ZFAND3: variants seen among roughly 807,000 people sequenced by gnomAD.
The protein encoded by ZFAND3 is zinc finger AN1-type containing 3, also known as AN1-type zinc finger protein 3.
In ZFAND3, 10 loss-of-function variants were observed where a neutral mutation model predicts 29.6. That is an observed-to-expected ratio of 0.34 (90% CI 0.21 to 0.57). The LOEUF (loss-of-function observed/expected upper bound fraction) is 0.57, where lower values mean the gene tolerates loss of function less well. ZFAND3 is among the 20% of genes least tolerant of loss of function. ZFAND3 has a pLI of 0.86. For synonymous variants in ZFAND3, 128 were observed against 112.6 expected, an observed-to-expected ratio of 1.14 and a Z score of -0.87; for missense variants, 230 against 304.5, an observed-to-expected ratio of 0.76 and a Z score of 1.82.
At chr6:37,893,970 T>G (rs1276968887) in intron 1 of ZFAND3, among the ~76,000 whole-genome samples, 1 of 152,110 alleles carries the variant, frequency 6.6e-6, no homozygotes. Context: ...CACATTTGTC[T>G]TAGGCTGGGT....
chr6:37,860,666 T>G (rs938912021), intron 1 of ZFAND3, among the ~76,000 whole-genome samples: 1 of 147,080 alleles, frequency 6.8e-6, no homozygotes, highest in Non-Finnish European at 1.5e-5. Context: ...TTAAGTAGGT[T>G]TAGATTTTAG....
intron 2 of ZFAND3, among the ~76,000 whole-genome samples, chr6:38,033,157 T>C (rs1041436207): frequency 6.6e-6 from 1 of 152,198 alleles, no homozygotes; most frequent in African/African-American, 2.4e-5. Context: ...TCCTGAGAGC[T>C]GTTTGAAATA....
chr6:37,873,315 C>A (rs1438840759), intron 1 of ZFAND3, among the ~76,000 whole-genome samples: 1 of 152,202 alleles, frequency 6.6e-6, no homozygotes, highest in Non-Finnish European at 1.5e-5. Context: ...AATGCAGACA[C>A]AATTAATCAT....
At chr6:38,117,574 A>G (rs1001143062) in intron 5 of ZFAND3, among the ~76,000 whole-genome samples, 13 of 152,176 alleles carry the variant, frequency 8.5e-5, no homozygotes, top group African/African-American at 3.1e-4. Flanking sequence ...TCCTGGTTTT[A>G]AAACCTAATA....
chr6:38,152,380 G>T lies in ZFAND3; in HGVS notation c.675G>T (p.Gly225=). 1.3e-6 allele frequency: 2 copies of T among 1,588,382 alleles called. No individual in the cohort carries two copies. The highest frequency in any genetic ancestry group is 1.7e-6 in the Non-Finnish European group (2 of 1,168,708). ...GCTCCTGCCAGCGCATCGGGGAGGG[G>T]TGCTCCTGAAGGCCAGGCATGGCCA... The part of the protein sequence containing the change: ...VGRSCQRIGE[G]CS Residue 225 remains glycine, a synonymous_variant, in exon 6 of 6, where the codon GGG becomes GGT. Coordinates refer to ENST00000287218, the MANE Select transcript of ZFAND3 (RefSeq NM_021943.3).
chr6:38,004,534 T>TACACACACACAC (rs56068930), intron 2 of ZFAND3, among the ~76,000 whole-genome samples: 18 of 147,346 alleles, frequency 1.2e-4, no homozygotes, highest in African/African-American at 3.3e-4. Context: ...TAAAGCTGTC[T>TACACACACACAC]ACACACACAC....
At chr6:38,120,717 T>C (rs549238445) in intron 5 of ZFAND3, among the ~76,000 whole-genome samples, 1 of 152,342 alleles carries the variant, frequency 6.6e-6, no homozygotes, top group Admixed American at 6.5e-5. Context: ...TAACATATTT[T>C]CAATTGATGG....
chr6:37,859,166 C>T (rs1764435806), intron 1 of ZFAND3, among the ~76,000 whole-genome samples: 1 of 152,118 alleles, frequency 6.6e-6, no homozygotes, highest in African/African-American at 2.4e-5. Context: ...AATAAGACAA[C>T]CTCTCTTTAT....
chr6:38,029,952 C>G (rs1763520634), intron 2 of ZFAND3, among the ~76,000 whole-genome samples: 1 of 150,748 alleles, frequency 6.6e-6, no homozygotes, highest in Non-Finnish European at 1.5e-5. Flanking sequence ...GTATTTAGTG[C>G]TTTTCATTTC....
intron 1 of ZFAND3, among the ~76,000 whole-genome samples, chr6:37,843,309 C>A (rs1764113562): frequency 6.6e-6 from 1 of 151,740 alleles, no homozygotes; most frequent in South Asian, 2.1e-4. Context: ...CACGGTGAAA[C>A]CCCATCTCTA....
At chr6:37,846,079 T>C (rs1300398226) in intron 1 of ZFAND3, among the ~76,000 whole-genome samples, 1 of 152,218 alleles carries the variant, frequency 6.6e-6, no homozygotes, top group African/African-American at 2.4e-5. Flanking sequence ...CCTGATCCCA[T>C]AGGACACTCA....
chr6:38,064,666 CT>C (rs35827782), intron 3 of ZFAND3, among the ~76,000 whole-genome samples: 20,948 of 115,832 alleles, frequency 0.18, 1,487 homozygotes, highest in Middle Eastern at 0.29. Context: ...CTGCTATGGG[CT>C]TTTTTTTTTT....
chr6:38,053,638 G>T (rs1764074119), intron 2 of ZFAND3, among the ~76,000 whole-genome samples: 1 of 152,182 alleles, frequency 6.6e-6, no homozygotes, highest in African/African-American at 2.4e-5. Flanking sequence ...TGCCAAGGTT[G>T]CAGTGAGCCG....
chr6:37,994,051 G>A (rs916469847), intron 2 of ZFAND3, among the ~76,000 whole-genome samples: 2 of 151,986 alleles, frequency 1.3e-5, no homozygotes, highest in Admixed American at 6.6e-5. Flanking sequence ...TTAAAAAAAC[G>A]ATTTTTACAT....
At chr6:37,944,311 T>G (rs1460257110) in intron 2 of ZFAND3, among the ~76,000 whole-genome samples, 1 of 152,166 alleles carries the variant, frequency 6.6e-6, no homozygotes, top group Non-Finnish European at 1.5e-5. Context: ...TCCCCAAACT[T>G]GATGAAAATC....
chr6:38,147,741 T>A (rs1464790548), intron 5 of ZFAND3, among the ~76,000 whole-genome samples: 1 of 152,244 alleles, frequency 6.6e-6, no homozygotes, highest in Non-Finnish European at 1.5e-5. Context: ...ATGTTGAGTA[T>A]TTTTTATTCA....
intron 2 of ZFAND3, among the ~76,000 whole-genome samples, chr6:38,050,665 G>A (rs184086086): frequency 6.6e-6 from 1 of 152,262 alleles, no homozygotes; most frequent in East Asian, 1.9e-4. Context: ...GAAACTGTGA[G>A]TCAATTAAAC....
At chr6:37,888,764 T>C (rs1765044266) in intron 1 of ZFAND3, among the ~76,000 whole-genome samples, 1 of 152,248 alleles carries the variant, frequency 6.6e-6, no homozygotes, top group South Asian at 2.1e-4. Context: ...CTTGGACTTT[T>C]TGGCTGCAAG....
At chr6:37,833,536 A>G (rs1165406473) in intron 1 of ZFAND3, among the ~76,000 whole-genome samples, 2 of 152,146 alleles carry the variant, frequency 1.3e-5, no homozygotes, top group East Asian at 3.9e-4. Context: ...AAAAAAATAG[A>G]CTTCATGGCC....
Sources: gnomAD v4.1 joint callset for allele counts (sites outside exome capture counted in the v4.1 genomes callset) on GRCh38, gnomAD v4.1.1 for gene constraint, MANE v1.5 for transcripts, NCBI Gene and HGNC (gene_info 2026-07-23, HGNC 2026-07-21) for gene names.